CACNA2D4: variants seen among roughly 807,000 people sequenced by gnomAD.
CACNA2D4 encodes the protein calcium voltage-gated channel auxiliary subunit alpha2delta 4, also known as voltage-dependent calcium channel subunit alpha-2/delta-4.
In CACNA2D4, 157 loss-of-function variants were observed where a neutral mutation model predicts 163.8. The observed-to-expected ratio is 0.96, with a 90% CI of 0.84 to 1.09. The LOEUF (loss-of-function observed/expected upper bound fraction) is 1.09. Ranked by LOEUF, CACNA2D4 falls within the 50% of genes least tolerant of loss-of-function variation. CACNA2D4 has a pLI of 0.00. For missense variants in CACNA2D4, 1,410 were observed against 1,479.9 expected, an observed-to-expected ratio of 0.95 and a Z score of 0.78; for synonymous variants, 598 against 586.9, an observed-to-expected ratio of 1.02 and a Z score of -0.27.
chr12:1,897,583 A>C (rs190599209), intron 6 of CACNA2D4, among the ~76,000 whole-genome samples: 1 of 152,354 alleles, frequency 6.6e-6, no homozygotes, highest in Non-Finnish European at 1.5e-5. Context: ...AATATGCTTA[A>C]CTTGCTAACT....
Position 1,917,142 on chromosome 12 carries a change from C to T in CACNA2D4, c.227+1105G>A, listed in dbSNP as rs1867006218. ...CTGACAGGAGTTCAAATCCCAGCAC[C>T]TTCACTTCCTGGCCTTGTGAACTTG... On this transcript the variant is annotated intron_variant, in intron 1 of 37. Coordinates refer to ENST00000382722, the MANE Select transcript of CACNA2D4 (RefSeq NM_172364.5). The surrounding 1 kb of genome is among the most constrained non-coding windows in gnomAD (Gnocchi z 4.3). Among the ~76,000 whole-genome samples the T allele has an allele frequency of 6.6e-6, 1 of 152,142 alleles. No homozygotes were observed. The highest frequency in any genetic ancestry group is 1.5e-5 in the Non-Finnish European group (1 of 68,014).
intron 23 of CACNA2D4, among the ~76,000 whole-genome samples, chr12:1,851,682 T>G (rs1225019231): frequency 7.1e-5 from 2 of 28,100 alleles, no homozygotes; most frequent in Non-Finnish European, 1.1e-4. Context: ...TGTGTGCGTT[T>G]TTTTTTTTTT....
chr12:1,908,115 G>T (rs1416971574), intron 4 of CACNA2D4, 78 bp from the exon 5 acceptor site: 12 of 1,459,186 alleles, frequency 8.2e-6, no homozygotes, highest in Admixed American at 7.5e-5. Context: ...AAACGGCGCA[G>T]GTGAGAGGAC....
chr12:1,861,004 C>T (rs767812423), intron 18 of CACNA2D4, among the ~76,000 whole-genome samples: 3 of 152,316 alleles, frequency 2.0e-5, no homozygotes, highest in Non-Finnish European at 2.9e-5. Flanking sequence ...ACGAGGCTGC[C>T]GTGAGGGTGC....
Position 1,810,355 on chromosome 12 carries a change from A to G in CACNA2D4, c.2659-15T>C. 1 of 1,613,066 alleles carries G rather than the reference A, an allele frequency of 6.2e-7. No individual in the cohort carries two copies. Among genetic ancestry groups the G allele is most frequent in the Non-Finnish European group, 8.5e-7 (1 of 1,179,162 alleles). ...CAGTCCAGATCCTGGGAGGAAACCC[A>G]GAAGGGAGGTTATGCCAGGGCCCTC... On this transcript the variant is annotated splice_polypyrimidine_tract_variant and intron_variant, in intron 28 of 37. Transcript: ENST00000382722.
rs920314861 is a variant in CACNA2D4, at chr12:1,811,724, C to T, written c.2552-1G>A. The T allele has an allele frequency of 2.2e-5, 35 of 1,558,480 alleles. No individual in the cohort carries two copies. Among genetic ancestry groups the T allele is most frequent in the Middle Eastern group, 1.7e-4 (1 of 6,028 alleles). Reference sequence around the variant, plus strand: ...TCCAGCTTCATTTGGACGCCCGCGGCTACAGGGCAGAAAGAGAGAGGGCAA... The same window carrying T: ...TCCAGCTTCATTTGGACGCCCGCGGTTACAGGGCAGAAAGAGAGAGGGCAA... On this transcript the variant is annotated splice_acceptor_variant, in intron 26 of 37. Coordinates refer to ENST00000382722, the MANE Select transcript of CACNA2D4 (RefSeq NM_172364.5). LOFTEE classifies it high-confidence loss of function.
rs1347790456 is a variant in CACNA2D4 at position 1,866,624 on chromosome 12, T to G, written c.1879-6418A>C. On this transcript the variant is annotated intron_variant, in intron 18 of 37. Coordinates refer to ENST00000382722, the MANE Select transcript of CACNA2D4 (RefSeq NM_172364.5). Reference sequence around the variant, plus strand: ...TCCTTCTATCTGAAAATGTCTTTTTTTGTTGTTTGTTTTGGAGACATAGTC... The same window carrying G: ...TCCTTCTATCTGAAAATGTCTTTTTGTGTTGTTTGTTTTGGAGACATAGTC... 4.7e-5 allele frequency among the ~76,000 whole-genome samples: 7 copies of G among 149,352 alleles called. No homozygotes were observed. In the East Asian group the frequency reaches 1.2e-3, roughly 25 times the overall value.
chr12:1,800,045 G>A lies in CACNA2D4; in HGVS notation c.2929C>T (p.Leu977=). ...WLLQELVLFL[L]EWSVWGSWYD... is the part of the protein sequence containing the mutation. ...CAGGAGCCCCAGACACTCCACTCCA[G>A]CAGGAACCTGTCAGACACAGGACTG... is the stretch of plus-strand genomic sequence containing the variant. The change falls in exon 33 of 38, where the codon CTG becomes TTG. Residue 977 remains leucine (L), a synonymous_variant. Transcript: ENST00000382722. 1 of 1,601,118 alleles carries A rather than the reference G, an allele frequency of 6.2e-7. No individual in the cohort carries two copies. Among genetic ancestry groups the A allele is most frequent in the Middle Eastern group, 1.7e-4 (1 of 6,040 alleles).
intron 29 of CACNA2D4, among the ~76,000 whole-genome samples, chr12:1,803,280 TGA>T (rs1863400559): frequency 6.6e-6 from 1 of 152,212 alleles, no homozygotes; most frequent in East Asian, 1.9e-4. Context: ...GCACAACTCC[TGA>T]ACACCCAATG....
At chr12:1,851,364 C>G (rs1230057821) in intron 23 of CACNA2D4, among the ~76,000 whole-genome samples, 3 of 152,190 alleles carry the variant, frequency 2.0e-5, no homozygotes, top group Non-Finnish European at 4.4e-5. Flanking sequence ...TGGACTTCGT[C>G]CAGGTGTATG....
rs949540560 is a variant in CACNA2D4 at position 1,798,537 on chromosome 12, G to A, written c.2996-1002C>T. Among the ~76,000 whole-genome samples the A allele has an allele frequency of 4.6e-5, 7 of 151,988 alleles. No homozygotes were observed. Among genetic ancestry groups the A allele is most frequent in the Admixed American group, 1.3e-4 (2 of 15,284 alleles). ...GCCAGGGCTGTGAGTTTTGTCCCCAGGGCTGGGCACAGAAGCCTGCCTGAC... is the reference window on the plus strand; with the variant it reads ...GCCAGGGCTGTGAGTTTTGTCCCCAAGGCTGGGCACAGAAGCCTGCCTGAC... On this transcript the variant is annotated intron_variant, in intron 34 of 37. Coordinates refer to ENST00000382722, the MANE Select transcript of CACNA2D4 (RefSeq NM_172364.5). The surrounding 1 kb of genome is among the most constrained non-coding windows in gnomAD (Gnocchi z 4.3).
In CACNA2D4 at chr12:1,798,651, GC is replaced by G. The variant is rs1863208081; in HGVS notation, c.2995+1023del. On this transcript the variant is annotated intron_variant, in intron 34 of 37. Coordinates refer to ENST00000382722, the MANE Select transcript of CACNA2D4 (RefSeq NM_172364.5). The surrounding 1 kb of genome is among the most constrained non-coding windows in gnomAD (Gnocchi z 4.3). ...CGGCCTGGGACTCCAAGTCCAGTGC[GC>G]CTTCACTGGGGACACTGACATCTGT... 6.6e-6 allele frequency among the ~76,000 whole-genome samples: 1 copy of G among 152,200 alleles called. No individual in the cohort carries two copies. Among genetic ancestry groups the G allele is most frequent in the African/African-American group, 2.4e-5 (1 of 41,454 alleles).
Position 1,801,525 on chromosome 12 carries a change from C to T in CACNA2D4, c.2792+49G>A, listed in dbSNP as rs568835066. 4 of 1,400,004 alleles carry T rather than the reference C, an allele frequency of 2.9e-6. No individual in the cohort carries two copies. In the African/African-American group the frequency reaches 5.7e-5, roughly 20 times the overall value. 86.7% of individuals were successfully genotyped at this position (1,400,004 alleles called of 1,614,324 possible). A position where few individuals can be genotyped will look rare whatever the true frequency, so the allele number is the denominator to read the frequency against. ...CCGCCAGGACCACTTAGCGTCAGCT[C>T]TCGGTTTGCTGTGTCTATTTGGACT... On this transcript the variant is annotated intron_variant, in intron 30 of 37. Transcript: ENST00000382722.
intron 1 of CACNA2D4, among the ~76,000 whole-genome samples, chr12:1,916,689 C>T (rs1866991292): frequency 6.6e-6 from 1 of 152,136 alleles, no homozygotes; most frequent in Admixed American, 6.5e-5. Context: ...CTTGTGTGTC[C>T]CAAGCAACAG....
rs1865917242 is a variant in CACNA2D4, at chr12:1,878,067, A to G, written c.1719+248T>C. 6.6e-6 allele frequency among the ~76,000 whole-genome samples: 1 copy of G among 152,110 alleles called. No individual in the cohort carries two copies. The highest frequency in any genetic ancestry group is 1.5e-5 in the Non-Finnish European group (1 of 68,020). On this transcript the variant is annotated intron_variant, in intron 16 of 37. Transcript: ENST00000382722. The surrounding 1 kb of genome is among the most constrained non-coding windows in gnomAD (Gnocchi z 4.6). ...GCCCTGCGGGCTCTTTAGCCTCAAA[A>G]CTGCACACTTCGTTACGTGCTCTCT... is the stretch of plus-strand genomic sequence containing the variant.
chr12:1,858,719 C>T, intron 19 of CACNA2D4, 75 bp from the exon 20 acceptor site: 1 of 1,164,352 alleles, frequency 8.6e-7, no homozygotes, highest in Non-Finnish European at 1.2e-6. Flanking sequence ...CGTCCTTGCC[C>T]TTACCAACAC....
Position 1,875,477 on chromosome 12 carries a change from G to C in CACNA2D4, c.1720-140C>G. ...TCAATCAATCCAGTAATTACTTAAG[G>C]TTATCTGGGCAAATTCCACCTGATA... On this transcript the variant is annotated intron_variant, in intron 16 of 37. Coordinates refer to ENST00000382722, the MANE Select transcript of CACNA2D4 (RefSeq NM_172364.5). This position sits in a 1 kb window ranked among gnomAD's most constrained non-coding sequence, Gnocchi z 4.0. 1 of 637,178 alleles carries C rather than the reference G, an allele frequency of 1.6e-6. No homozygotes were observed. Among genetic ancestry groups the C allele is most frequent in the Admixed American group, 2.2e-5 (1 of 45,022 alleles). The allele number at this position is 637,178 out of a possible 1,614,324, so 39.5% of individuals were successfully genotyped here. A position where few individuals can be genotyped will look rare whatever the true frequency, so the allele number is the denominator to read the frequency against.
intron 29 of CACNA2D4, among the ~76,000 whole-genome samples, chr12:1,805,796 C>G (rs997113733): frequency 6.6e-6 from 1 of 152,216 alleles, no homozygotes; most frequent in Non-Finnish European, 1.5e-5. Context: ...TGTGGTGTCC[C>G]GGAAGATGGC....
rs751447778 is a variant in CACNA2D4 at position 1,793,619 on chromosome 12, A to T, written c.*36T>A. The T allele has an allele frequency of 1.3e-6, 2 of 1,579,678 alleles. No homozygotes were observed. ...GACTTTTTGGGATGGCTCTGGAAGG[A>T]TCACCTTGCCAAAACACAGGTCAGG... On this transcript the variant is annotated 3_prime_UTR_variant, in exon 38 of 38. Transcript: ENST00000382722.
Sources: allele counts gnomAD v4.1 joint callset (sites outside exome capture counted in the v4.1 genomes callset), GRCh38; gene constraint gnomAD v4.1.1; non-coding constraint Gnocchi (gnomAD v3.1); transcripts MANE v1.5; gene names NCBI Gene and HGNC (gene_info 2026-07-23, HGNC 2026-07-21).